Variants in SI observed in about 807,000 individuals in gnomAD.
SI encodes sucrase-isomaltase, intestinal.
A neutral mutation model predicts 253.3 loss-of-function variants in SI; 235 were observed. The ratio of observed to expected loss-of-function variants is 0.93; its 90% CI spans 0.83 to 1.03. SI has a LOEUF of 1.03. SI is among the 50% of genes least tolerant of loss of function. The probability of loss-of-function intolerance (pLI) is 0.00; values close to 1 mark genes in which losing one functional copy is unlikely to be tolerated. For missense variants in SI, 2,442 were observed against 2,211.1 expected (o/e 1.10, Z -2.09); for synonymous variants, 819 against 712.0 (o/e 1.15, Z -2.39).
At chr3:165,088,622 CAG>C in the SI span, among the ~76,000 whole-genome samples, 2 of 151,978 alleles carry the variant, frequency 1.3e-5, no homozygotes, top group African/African-American at 4.8e-5. Flanking sequence ...GCCTGGGCGA[CAG>C]AGTGAAGACT....
intron 1 of SI, among the ~76,000 whole-genome samples, chr3:165,076,456 A>C (rs1576929858): frequency 6.6e-6 from 1 of 151,794 alleles, no homozygotes; most frequent in African/African-American, 2.4e-5. Context: ...AGGAACTTTA[A>C]GCTTAACAAA....
chr3:165,013,954 TG>T (rs1718898580), intron 33 of SI, among the ~76,000 whole-genome samples: 1 of 152,100 alleles, frequency 6.6e-6, no homozygotes, highest in Non-Finnish European at 1.5e-5. Context: ...CTCGAACTCC[TG>T]GGCTCAAGCA....
Position 165,041,324 on chromosome 3 carries a change from C to T in SI, c.2005-230G>A, listed in dbSNP as rs1053080519. Reference sequence around the variant, plus strand: ...AGTGGACATTTCAACATATTTAAAGCGTTGCCACAGAAAAAATAAATTTTT... The same window carrying T: ...AGTGGACATTTCAACATATTTAAAGTGTTGCCACAGAAAAAATAAATTTTT... On this transcript the variant is annotated intron_variant, in intron 17 of 47. Transcript: ENST00000264382. 7.9e-5 allele frequency among the ~76,000 whole-genome samples: 12 copies of T among 152,020 alleles called. No individual in the cohort carries two copies. In the East Asian group the frequency reaches 1.2e-3, roughly 15 times the overall value.
chr3:165,061,518 G>A (rs868447855), intron 9 of SI, among the ~76,000 whole-genome samples: 3 of 151,770 alleles, frequency 2.0e-5, no homozygotes, highest in South Asian at 2.1e-4. Context: ...TCAGCTTTTT[G>A]GATCCTAATT....
At chr3:164,989,453 G>A (rs1270570483) in intron 44 of SI, among the ~76,000 whole-genome samples, 1 of 147,706 alleles carries the variant, frequency 6.8e-6, no homozygotes, top group African/African-American at 2.5e-5. Flanking sequence ...AAGAAGAGAG[G>A]AGAGGAGAGG....
intron 27 of SI, among the ~76,000 whole-genome samples, chr3:165,020,847 T>G (rs1301759843): frequency 6.6e-6 from 1 of 151,728 alleles, no homozygotes; most frequent in Non-Finnish European, 1.5e-5. Flanking sequence ...TTCTATCAGA[T>G]TCAAGCACCA....
chr3:165,053,250 A>G (rs1368000420), intron 13 of SI, among the ~76,000 whole-genome samples: 4 of 152,046 alleles, frequency 2.6e-5, no homozygotes, highest in African/African-American at 9.6e-5. Context: ...AGCTCACATC[A>G]TTTCCCAAAG....
Position 165,045,772 on chromosome 3 carries a change from C to A in SI, c.1887+1069G>T, listed in dbSNP as rs976727534. Among the ~76,000 whole-genome samples, 15 of 90,446 alleles carry A rather than the reference C, an allele frequency of 1.7e-4. 1 individual carries two copies. The highest frequency in any genetic ancestry group is 5.0e-4 in the African/African-American group (13 of 25,872). 59.3% of individuals were successfully genotyped at this position (90,446 alleles called of 152,430 possible). A position where few individuals can be genotyped will look rare whatever the true frequency, so the allele number is the denominator to read the frequency against. On this transcript the variant is annotated intron_variant, in intron 16 of 47. Coordinates refer to ENST00000264382, the MANE Select transcript of SI (RefSeq NM_001041.4). ...TAAGTAAAATTGTTAACAGTTAATT[C>A]TTAGGTTGTTTTTTTTTTTCAATTC...
At chr3:165,030,140 A>G (rs776444435) in intron 25 of SI, among the ~76,000 whole-genome samples, 5 of 150,872 alleles carry the variant, frequency 3.3e-5, no homozygotes, top group Non-Finnish European at 7.4e-5. Flanking sequence ...TCAATGATGT[A>G]ATGAAAAGCC....
rs778101329 is a variant in SI at position 164,992,327 on chromosome 3, G to A, written c.4912C>T (p.Pro1638Ser). 1.2e-6 allele frequency: 2 copies of A among 1,613,280 alleles called. No individual in the cohort carries two copies. Among genetic ancestry groups the A allele is most frequent in the Non-Finnish European group, 1.7e-6 (2 of 1,179,500 alleles). The change falls in exon 42 of 48, where the codon CCA becomes TCA. Residue 1638 changes from proline to serine, a missense_variant. Pro to Ser is a moderately conservative substitution (Grantham distance 74). Coordinates refer to ENST00000264382, the MANE Select transcript of SI (RefSeq NM_001041.4). ...FLWGPAFMVT[P>S]VLEPYVQTVN... ...GTAGGACTTACAGGTTCCAGTACTG[G>A]GGTAACCATAAATGCTGGACCCCAT...
chr3:165,016,500 C>T (rs1438360337), intron 31 of SI, among the ~76,000 whole-genome samples: 2 of 151,850 alleles, frequency 1.3e-5, no homozygotes, highest in South Asian at 2.1e-4. Context: ...CAGCAAATAT[C>T]GGGTAATTTC....
the SI span, among the ~76,000 whole-genome samples, chr3:165,089,185 A>T: frequency 1.1e-4 from 16 of 152,130 alleles, no homozygotes; most frequent in Admixed American, 9.2e-4. Flanking sequence ...CAGAAGATAC[A>T]AAAGAAAAAC....
intron 6 of SI, among the ~76,000 whole-genome samples, chr3:165,066,381 G>A (rs769866850): frequency 2.0e-5 from 3 of 151,846 alleles, no homozygotes; most frequent in Non-Finnish European, 4.4e-5. Context: ...ATGTTTTGAT[G>A]TACATTATTT....
rs1384328058 is a variant in SI, at chr3:164,979,138, G to A, written c.*224C>T. 7.8e-6 allele frequency: 4 copies of A among 513,314 alleles called. No individual in the cohort carries two copies. Among genetic ancestry groups the A allele is most frequent in the African/African-American group, 1.9e-5 (1 of 52,168 alleles). The allele number at this position is 513,314 out of a possible 1,614,324, so 31.8% of individuals were successfully genotyped here. A position where few individuals can be genotyped will look rare whatever the true frequency, so the allele number is the denominator to read the frequency against. ...AGCTGATACTTAACAAGGATAAATA[G>A]GGCTATTCAAATTTTGTTAAATATG... On this transcript the variant is annotated 3_prime_UTR_variant, in exon 48 of 48. Transcript: ENST00000264382.
intron 33 of SI, among the ~76,000 whole-genome samples, chr3:165,013,386 T>G (rs1214184739): frequency 5.9e-5 from 9 of 152,124 alleles, no homozygotes; most frequent in African/African-American, 9.7e-5. Flanking sequence ...TTAGAATTAT[T>G]TGTAGAATTA....
the SI span, among the ~76,000 whole-genome samples, chr3:165,083,939 T>C: frequency 5.9e-5 from 9 of 152,044 alleles, no homozygotes; most frequent in African/African-American, 2.2e-4. Flanking sequence ...AAAGTCTTAT[T>C]TGTGTTGTCA....
chr3:165,061,838 T>C (rs1179211200), intron 9 of SI, among the ~76,000 whole-genome samples: 1 of 151,976 alleles, frequency 6.6e-6, no homozygotes, highest in Non-Finnish European at 1.5e-5. Context: ...GTTGCTTAGA[T>C]AGTAACTGGA....
intron 17 of SI, among the ~76,000 whole-genome samples, chr3:165,041,334 G>GA (rs1294506741): frequency 2.6e-5 from 4 of 152,090 alleles, no homozygotes; most frequent in African/African-American, 7.2e-5. Flanking sequence ...CGTTGCCACA[G>GA]AAAAAATAAA....
In SI at chr3:164,989,380, G is replaced by A. The variant is rs1236603360; in HGVS notation, c.5108+1973C>T. 3.8e-5 allele frequency among the ~76,000 whole-genome samples: 3 copies of A among 79,428 alleles called. No homozygotes were observed. In the Admixed American group the frequency reaches 4.3e-4, roughly 11 times the overall value. 52.1% of individuals were successfully genotyped at this position (79,428 alleles called of 152,430 possible). On this transcript the variant is annotated intron_variant, in intron 44 of 47. Coordinates refer to ENST00000264382, the MANE Select transcript of SI (RefSeq NM_001041.4). ...AGAAAGAAAGAAAGAAAGGAAGAAA[G>A]AAAGAAAGGAAGAAAGAAAGAAAGA...
Sources: gnomAD v4.1 joint callset for allele counts (sites outside exome capture counted in the v4.1 genomes callset) on GRCh38, gnomAD v4.1.1 for gene constraint, MANE v1.5 for transcripts, NCBI Gene and HGNC (gene_info 2026-07-23, HGNC 2026-07-21) for gene names.